SOX6: variants seen among roughly 807,000 people sequenced by gnomAD.
The protein encoded by SOX6 is transcription factor SOX-6.
Under a neutral mutation model 97.8 loss-of-function variants are expected in SOX6, and 11 were observed. That is an observed-to-expected ratio of 0.11 (90% CI 0.07 to 0.19). The LOEUF is 0.19. Ranked by LOEUF, SOX6 falls within the 10% of genes least tolerant of loss-of-function variation. The probability of loss-of-function intolerance (pLI) is 1.00; values close to 1 mark genes in which losing one functional copy is unlikely to be tolerated. For synonymous variants in SOX6, 360 were observed against 371.4 expected (o/e 0.97, Z 0.35); for missense variants, 810 against 1,039.5 (o/e 0.78, Z 3.04).
chr11:16,528,775 G>A (rs1386697105), intron 4 of SOX6, among the ~76,000 whole-genome samples: 2 of 152,104 alleles, frequency 1.3e-5, no homozygotes, highest in Non-Finnish European at 1.5e-5. Flanking sequence ...CTCTGGGCAA[G>A]AGCACTTTCA....
chr11:15,977,701 A>G (rs2119800964), intron 15 of SOX6, among the ~76,000 whole-genome samples: 1 of 152,124 alleles, frequency 6.6e-6, no homozygotes, highest in East Asian at 1.9e-4. Flanking sequence ...CATACTTACT[A>G]GTCTCTAAAT....
intron 4 of SOX6, among the ~76,000 whole-genome samples, chr11:16,521,835 G>A (rs929411763): frequency 3.3e-5 from 5 of 152,170 alleles, no homozygotes; most frequent in Admixed American, 3.3e-4. Context: ...GAAGAATGCA[G>A]AAGCCTCAGG....
At chr11:16,255,106 T>C (rs1853645411) in intron 3 of SOX6, among the ~76,000 whole-genome samples, 1 of 151,848 alleles carries the variant, frequency 6.6e-6, no homozygotes, top group South Asian at 2.1e-4. Context: ...TAACAGAATA[T>C]CAAAATATAT....
intron 11 of SOX6, among the ~76,000 whole-genome samples, chr11:16,047,414 C>T (rs1455879139): frequency 6.6e-6 from 1 of 151,758 alleles, no homozygotes; most frequent in African/African-American, 2.4e-5. Context: ...GACAATGAGG[C>T]GATATGTGTG....
intron 4 of SOX6, among the ~76,000 whole-genome samples, chr11:16,208,844 A>G (rs1021455417): frequency 6.6e-6 from 1 of 152,254 alleles, no homozygotes; most frequent in African/African-American, 2.4e-5. Flanking sequence ...ATTGTAAGTC[A>G]GATCAATGGA....
intron 6 of SOX6, among the ~76,000 whole-genome samples, chr11:16,175,045 G>C (rs775446833): frequency 1.3e-5 from 2 of 151,896 alleles, no homozygotes; most frequent in Non-Finnish European, 2.9e-5. Flanking sequence ...TCGTTTGGCA[G>C]CCAGGGAAAA....
chr11:16,416,713 C>G lies in SOX6; in HGVS notation c.-5+59602G>C, dbSNP rs191302973. On this transcript the variant is annotated intron_variant, in intron 1 of 15. Coordinates refer to the SOX6 transcript ENST00000396356. The stretch of plus-strand genomic sequence containing the variant: ...ACTTTCACAAATTCACTCAATTATT[C>G]ATTCAACAAATATTTATTAGGTGCT... 5.2e-4 allele frequency among the ~76,000 whole-genome samples: 79 copies of G among 152,274 alleles called. 1 individual carries two copies. In the East Asian group the frequency reaches 0.013, roughly 25 times the overall value.
chr11:15,975,499 T>C lies in SOX6; in HGVS notation c.2184-2387A>G, dbSNP rs1354074051. The stretch of plus-strand genomic sequence containing the variant: ...CACTATCAAATGATACGTTTCCTTT[T>C]CACAAAGAATAGATGGTCACTTTTT... On this transcript the variant is annotated intron_variant, in intron 15 of 15. Transcript: ENST00000683767. Among the ~76,000 whole-genome samples, 3 of 152,330 alleles carry C rather than the reference T, an allele frequency of 2.0e-5. No individual in the cohort carries two copies. The East Asian group carries it at 5.8e-4, about 29-fold the overall frequency.
chr11:16,071,047 A>G (rs1483046055), intron 9 of SOX6, among the ~76,000 whole-genome samples: 1 of 152,194 alleles, frequency 6.6e-6, no homozygotes, highest in Non-Finnish European at 1.5e-5. Flanking sequence ...AGGGCTCAGC[A>G]CCAGCTTCTG....
intron 3 of SOX6, among the ~76,000 whole-genome samples, chr11:16,668,548 C>T (rs1403149577): frequency 6.6e-6 from 1 of 152,088 alleles, no homozygotes; most frequent in Non-Finnish European, 1.5e-5. Flanking sequence ...GGAGTAGGCC[C>T]TTACTTATCA....
chr11:16,648,009 C>A (rs550594488), intron 3 of SOX6, among the ~76,000 whole-genome samples: 1 of 152,124 alleles, frequency 6.6e-6, no homozygotes, highest in South Asian at 2.1e-4. Flanking sequence ...CACAAATTTT[C>A]TTGAGCAGAG....
intron 1 of SOX6, among the ~76,000 whole-genome samples, chr11:16,473,284 T>A (rs1860174437): frequency 6.6e-6 from 1 of 152,218 alleles, no homozygotes; most frequent in Admixed American, 6.5e-5. Context: ...ATAAAGCAAA[T>A]CACGCAAACG....
intron 3 of SOX6, among the ~76,000 whole-genome samples, chr11:16,634,380 A>G (rs550401580): frequency 6.6e-6 from 1 of 152,236 alleles, no homozygotes; most frequent in South Asian, 2.1e-4. Context: ...GGCAATATCA[A>G]AAGATCCAAC....
intron 3 of SOX6, among the ~76,000 whole-genome samples, chr11:16,248,337 G>A (rs987158222): frequency 1.4e-4 from 22 of 152,268 alleles, no homozygotes; most frequent in Admixed American, 8.5e-4. Flanking sequence ...GCTCTACTAG[G>A]CAGTGCCCCA....
chr11:16,500,226 T>C (rs947934282), intron 4 of SOX6, among the ~76,000 whole-genome samples: 3 of 152,152 alleles, frequency 2.0e-5, no homozygotes, highest in African/African-American at 4.8e-5. Flanking sequence ...ATTACCTCAA[T>C]AGATGCAGAA....
At chr11:16,436,744 A>C (rs1414576845) in intron 1 of SOX6, among the ~76,000 whole-genome samples, 1 of 152,188 alleles carries the variant, frequency 6.6e-6, no homozygotes, top group Non-Finnish European at 1.5e-5. Flanking sequence ...GCAGTGAATA[A>C]TTGTGCCTCT....
chr11:16,031,306 T>G (rs1279298538), intron 12 of SOX6: 2 of 152,222 alleles, frequency 1.3e-5, no homozygotes, highest in Non-Finnish European at 1.5e-5. Context: ...AAGTTGGTAT[T>G]TATTTTATAA....
At chr11:16,421,689 G>GACTGT (rs1859024743) in intron 1 of SOX6, among the ~76,000 whole-genome samples, 1 of 152,194 alleles carries the variant, frequency 6.6e-6, no homozygotes, top group African/African-American at 2.4e-5. Context: ...TAGGAACTAT[G>GACTGT]ACTGTTCTTG....
intron 3 of SOX6, among the ~76,000 whole-genome samples, chr11:16,689,368 C>T (rs759792926): frequency 2.6e-5 from 4 of 152,220 alleles, no homozygotes; most frequent in Non-Finnish European, 5.9e-5. Flanking sequence ...CCATACATAG[C>T]CTGAAAACTC....
Sources: allele counts gnomAD v4.1 joint callset (sites outside exome capture counted in the v4.1 genomes callset), GRCh38; gene constraint gnomAD v4.1.1; transcripts MANE v1.5; gene names NCBI Gene and HGNC (gene_info 2026-07-23, HGNC 2026-07-21).